Variants in JAG2 observed in about 807,000 individuals in gnomAD.
JAG2 encodes protein jagged-2.
In JAG2, 46 loss-of-function variants were observed where a neutral mutation model predicts 141.7. The ratio of observed to expected loss-of-function variants is 0.32; its 90% confidence interval spans 0.26 to 0.42. The LOEUF (loss-of-function observed/expected upper bound fraction) is 0.42. Among genes scored for constraint, JAG2 ranks in the 10% least tolerant of loss-of-function variants. JAG2 has a pLI of 1.00. For missense variants in JAG2, 1,500 were observed against 1,817.5 expected (o/e 0.83, Z 3.18); for synonymous variants, 862 against 763.5 (o/e 1.13, Z -2.13).
chr14:105,155,718 C>G lies in JAG2; in HGVS notation c.727+20G>C. On this transcript the variant is annotated intron_variant, in intron 4 of 25. Coordinates refer to ENST00000331782, the MANE Select transcript of JAG2 (RefSeq NM_002226.5). ...CCCGAGGCCCTCCCTGCCCTCCACGCAGCCCAGCGGCCCCCTCACCTTCCT... is the reference window on the plus strand; with the variant it reads ...CCCGAGGCCCTCCCTGCCCTCCACGGAGCCCAGCGGCCCCCTCACCTTCCT... 1 of 1,612,376 alleles carries G rather than the reference C, an allele frequency of 6.2e-7. No homozygotes were observed. The highest frequency in any genetic ancestry group is 1.7e-5 in the Admixed American group (1 of 60,000).
At chr14:105,149,382 G>A (rs745350336) in intron 12 of JAG2, 62 bp from the exon 13 acceptor site, 76 of 1,605,444 alleles carry the variant, frequency 4.7e-5, no homozygotes, top group Non-Finnish European at 6.0e-5. Context: ...ACACAGGCCA[G>A]GCCTCTGTCC....
At chr14:105,155,397 C>T (rs147925142) in intron 5 of JAG2, among the ~76,000 whole-genome samples, 165 bp downstream of exon 5, 2,054 of 152,294 alleles carry the variant, frequency 0.013, 21 homozygotes, top group Middle Eastern at 0.024. Context: ...CTCAGACACG[C>T]ACCTACTGCA....
rs1888526631 is a variant in JAG2 at position 105,154,594 on chromosome 14, T to C, written c.788+968A>G. 6.6e-6 allele frequency among the ~76,000 whole-genome samples: 1 copy of C among 152,116 alleles called. No homozygotes were observed. The highest frequency in any genetic ancestry group is 1.5e-5 in the Non-Finnish European group (1 of 67,992). ...CCCGGACACTCCCTTGTGGAGGCCC[T>C]TGCTGACTCCTCATCCATCCGCCCT... On this transcript the variant is annotated intron_variant, in intron 5 of 25. Coordinates refer to ENST00000331782, the MANE Select transcript of JAG2 (RefSeq NM_002226.5). This position sits in a 1 kb window ranked among gnomAD's most constrained non-coding sequence, Gnocchi z 4.4.
In JAG2 at chr14:105,149,098, G is replaced by A; in HGVS notation, c.1754-9C>T. 1 of 1,607,142 alleles carries A rather than the reference G, an allele frequency of 6.2e-7. No homozygotes were observed. The highest frequency in any genetic ancestry group is 8.5e-7 in the Non-Finnish European group (1 of 1,178,058). The stretch of plus-strand genomic sequence containing the variant: ...CCCGCAGCCATCGATCACTATGGCA[G>A]GCAGTACAGTCAGGAGTCAGGCCCG... On this transcript the variant is annotated splice_polypyrimidine_tract_variant and intron_variant, in intron 13 of 25. Transcript: ENST00000331782.
rs903679749 is a variant in JAG2 at position 105,142,623 on chromosome 14, C to T, written c.*72G>A. Reference sequence around the variant, plus strand: ...AATAAAGAAACTATGCACATGGCCTCGGCCTCCGGGTCCGGCAGACGGCAT... The same window carrying T: ...AATAAAGAAACTATGCACATGGCCTTGGCCTCCGGGTCCGGCAGACGGCAT... On this transcript the variant is annotated 3_prime_UTR_variant, in exon 26 of 26. Coordinates refer to ENST00000331782, the MANE Select transcript of JAG2 (RefSeq NM_002226.5). 21 of 1,159,406 alleles carry T rather than the reference C, an allele frequency of 1.8e-5. No individual in the cohort carries two copies. The highest frequency in any genetic ancestry group is 1.3e-4 in the East Asian group (5 of 39,106). The allele number at this position is 1,159,406 out of a possible 1,614,324, so 71.8% of individuals were successfully genotyped here.
chr14:105,145,743 G>C lies in JAG2; in HGVS notation c.2940C>G (p.Asp980Glu). The C allele has an allele frequency of 6.3e-7, 1 of 1,596,100 alleles. No homozygotes were observed. Among genetic ancestry groups the C allele is most frequent in the East Asian group, 2.3e-5 (1 of 43,704 alleles). The change falls in exon 23 of 26, where the codon GAC becomes GAG. Residue 980 changes from aspartate to glutamate, a missense_variant. Physicochemically the swap from Asp to Glu is conservative, Grantham distance 45. Around this residue, in one of 3 missense-constraint regions of JAG2, gnomAD observed 425 missense variants for 441.0 expected, o/e 0.96. Transcript: ENST00000331782. ...CARLTLHFNR[D>E]HVPQGTTVGA... ...CCAGGCCCCTCACCTGGGGCACGTG[G>C]TCACGGTTGAAATGCAAGGTGAGGC...
At position 105,157,782 on chromosome 14, in the gene JAG2, G is replaced by T; in HGVS notation, c.418-19C>A. 6.4e-7 allele frequency: 1 copy of T among 1,562,630 alleles called. No individual in the cohort carries two copies. The highest frequency in any genetic ancestry group is 8.7e-7 in the Non-Finnish European group (1 of 1,155,648). ...AGGAGCGCTGCAGACATGGGGAGGC[G>T]GGTCAGGTACCTGAGGCCACACCTG... On this transcript the variant is annotated intron_variant, in intron 2 of 25. Coordinates refer to ENST00000331782, the MANE Select transcript of JAG2 (RefSeq NM_002226.5).
Position 105,167,952 on chromosome 14 carries a change from GCA to G in JAG2, c.220_221del (p.Cys74ProfsTer2). 6.2e-7 allele frequency: 1 copy of G among 1,604,512 alleles called. No individual in the cohort carries two copies. Among genetic ancestry groups the G allele is most frequent in the Non-Finnish European group, 8.5e-7 (1 of 1,177,954 alleles). On this transcript the variant is annotated frameshift_variant, in exon 2 of 26. Transcript: ENST00000331782. LOFTEE classifies it high-confidence loss of function. The surrounding 1 kb of genome is among the most constrained non-coding windows in gnomAD (Gnocchi z 4.8). The stretch of plus-strand genomic sequence containing the variant: ...TCACCTTGGCCTGGTACTCCTTAAG[GCA>G]CACGCGCACGTACGTGTCGCACTCG... ...HDECDTYVRV[C>X]LKEYQAKVTP... is the part of the protein sequence containing the mutation.
intron 6 of JAG2, 47 bp downstream of exon 6, chr14:105,152,114 C>T: frequency 6.2e-7 from 1 of 1,613,468 alleles, no homozygotes. Context: ...CCCCCACAAC[C>T]CACACTTCGA....
At chr14:105,146,979 CG>C in intron 20 of JAG2, 1 of 621,240 alleles carries the variant, frequency 1.6e-6, no homozygotes, top group Non-Finnish European at 2.9e-6. Context: ...CCAGCTGCTG[CG>C]TCGGACCAGC....
In JAG2 at chr14:105,143,049, C is replaced by T. The variant is rs1888110957; in HGVS notation, c.3363G>A (p.Glu1121=). 3 of 1,603,494 alleles carry T rather than the reference C, an allele frequency of 1.9e-6. No individual in the cohort carries two copies. The East Asian group carries it at 6.7e-5, about 36-fold the overall frequency. ...GGGCCCACTGGTTGTTGGCGCTCTC[C>T]TCCCGCGGCAGCCGGCTCCTCTCCC... The part of the protein sequence containing the change: ...KERERSRLPR[E]ESANNQWAPL... Residue 1121 remains glutamate (E), a synonymous_variant, in exon 26 of 26, where the codon GAG becomes GAA. Coordinates refer to ENST00000331782, the MANE Select transcript of JAG2 (RefSeq NM_002226.5).
At position 105,151,723 on chromosome 14, in the gene JAG2, G is replaced by A; in HGVS notation, c.1056C>T (p.Thr352=). The A allele has an allele frequency of 3.1e-6, 5 of 1,610,378 alleles. No homozygotes were observed. Among genetic ancestry groups the A allele is most frequent in the Middle Eastern group, 1.7e-4 (1 of 6,058 alleles). The change falls in exon 8 of 26, where the codon ACC becomes ACT. Residue 352 remains threonine, a synonymous_variant. Coordinates refer to ENST00000331782, the MANE Select transcript of JAG2 (RefSeq NM_002226.5). ...AGCCCCCGTTGGCACACGGGTTGGA[G>A]GTGCAGGCGTGCTCAGCTGTAGAAC... ...RNCEKAEHAC[T]SNPCANGGSC... is the part of the protein sequence containing the mutation.
chr14:105,150,543 C>A, intron 12 of JAG2, 61 bp downstream of exon 12: 1 of 1,481,056 alleles, frequency 6.8e-7, no homozygotes. Flanking sequence ...GGTCAGGGGA[C>A]GAGGCCTGCC....
Position 105,145,322 on chromosome 14 carries a change from C to T in JAG2, c.2953-261G>A, listed in dbSNP as rs587750096. 2.1e-3 allele frequency among the ~76,000 whole-genome samples: 324 copies of T among 152,274 alleles called. 3 individuals are homozygous for T. The highest frequency in any genetic ancestry group is 7.2e-3 in the African/African-American group (300 of 41,546). On this transcript the variant is annotated intron_variant, in intron 23 of 25. Transcript: ENST00000331782. ...GCCAGTGGGGGAAGGAGAGGCAGGG[C>T]GGGGTACAGTGGGTCTCCTCCAGTT...
Position 105,167,720 on chromosome 14 carries a change from G to T in JAG2, c.417+37C>A, listed in dbSNP as rs1451640624. ...CGCGGGGCCGGGGCGCGGAGAGAGA[G>T]GGAAGGGCTGGAGCACGAGGGATGG... On this transcript the variant is annotated intron_variant, in intron 2 of 25. Transcript: ENST00000331782. The surrounding 1 kb of genome is among the most constrained non-coding windows in gnomAD (Gnocchi z 4.8). The T allele has an allele frequency of 7.1e-7, 1 of 1,409,754 alleles. No homozygotes were observed. Among genetic ancestry groups the T allele is most frequent in the South Asian group, 1.5e-5 (1 of 68,858 alleles). The allele number at this position is 1,409,754 out of a possible 1,614,324, so 87.3% of individuals were successfully genotyped here. A position where few individuals can be genotyped will look rare whatever the true frequency, so the allele number is the denominator to read the frequency against.
At chr14:105,149,397 G>A (rs1394378222) in intron 12 of JAG2, 77 bp from the exon 13 acceptor site, 19 of 1,588,260 alleles carry the variant, frequency 1.2e-5, no homozygotes, top group Admixed American at 5.0e-5. Context: ...CTGTCCATAC[G>A]AAGGTAGATC....
chr14:105,160,529 G>A (rs1032468422), intron 2 of JAG2, among the ~76,000 whole-genome samples: 2 of 151,764 alleles, frequency 1.3e-5, no homozygotes, highest in African/African-American at 4.8e-5. Context: ...AGCCAGCGGG[G>A]CTCGGGGAAA....
chr14:105,146,979 C>T (rs1888244435), intron 20 of JAG2: 2 of 621,120 alleles, frequency 3.2e-6, no homozygotes, highest in South Asian at 1.8e-5. Context: ...CCAGCTGCTG[C>T]GTCGGACCAG....
chr14:105,149,592 G>A (rs1219311973), intron 12 of JAG2, among the ~76,000 whole-genome samples: 1 of 151,854 alleles, frequency 6.6e-6, no homozygotes, highest in Non-Finnish European at 1.5e-5. Flanking sequence ...GGCCCCTGCT[G>A]CTGGCAGGAA....
Sources: allele counts gnomAD v4.1 joint callset (sites outside exome capture counted in the v4.1 genomes callset), GRCh38; gene constraint gnomAD v4.1.1; regional missense constraint gnomAD v4.1.1; non-coding constraint Gnocchi (gnomAD v3.1); transcripts MANE v1.5; gene names NCBI Gene and HGNC (gene_info 2026-07-23, HGNC 2026-07-21).